NEBL: variants seen among roughly 807,000 people sequenced by gnomAD.
The protein encoded by NEBL is nebulette, also known as LIM and SH3 protein 2.
Under a neutral mutation model 140.2 loss-of-function variants are expected in NEBL, and 122 were observed. That is an observed-to-expected ratio of 0.87 (90% CI 0.75 to 1.01). NEBL has a LOEUF of 1.01. Among genes scored for constraint, NEBL ranks in the 50% least tolerant of loss-of-function variants. The pLI is 0.00. For missense variants in NEBL, 1,365 were observed against 1,231.3 expected (o/e 1.11, Z -1.62); for synonymous variants, 436 against 398.9 (o/e 1.09, Z -1.11).
At chr10:21,184,740 AT>A (rs1247559065) in intron 3 of NEBL, among the ~76,000 whole-genome samples, 12 of 152,230 alleles carry the variant, frequency 7.9e-5, no homozygotes, top group African/African-American at 2.4e-4. Flanking sequence ...GTTAAATAGA[AT>A]TTTATGACAT....
At chr10:21,096,591 A>G (rs1837198510) in intron 2 of NEBL, among the ~76,000 whole-genome samples, 1 of 151,860 alleles carries the variant, frequency 6.6e-6, no homozygotes, top group Admixed American at 6.6e-5. Flanking sequence ...ATAGTTCACT[A>G]AAGCCTCAAG....
At chr10:21,061,331 A>ATGTGATATGTAACATATTACATAT (rs1835285648) in intron 2 of NEBL, among the ~76,000 whole-genome samples, 1 of 149,058 alleles carries the variant, frequency 6.7e-6, no homozygotes. Flanking sequence ...ATTACATATT[A>ATGTGATATGTAACATATTACATAT]TGTGATATGT....
chr10:20,791,684 G>A (rs143282407), intron 26 of NEBL, among the ~76,000 whole-genome samples: 188 of 152,084 alleles, frequency 1.2e-3, no homozygotes, highest in Non-Finnish European at 2.4e-3. Context: ...CGTGAGCACT[G>A]CACCATGCTA....
intron 2 of NEBL, among the ~76,000 whole-genome samples, chr10:21,138,097 A>G (rs886450892): frequency 6.6e-6 from 1 of 152,140 alleles, no homozygotes; most frequent in Admixed American, 6.5e-5. Flanking sequence ...GAGGGTAATG[A>G]TATCTATAAC....
At chr10:21,278,804 G>A (rs1490625771) in intron 1 of NEBL, among the ~76,000 whole-genome samples, 1 of 152,128 alleles carries the variant, frequency 6.6e-6, no homozygotes, top group African/African-American at 2.4e-5. Context: ...TACATAGCCA[G>A]GGAGTTCTCT....
rs187016731 is a variant in NEBL at position 21,202,708 on chromosome 10, G to A, written n.349-30231C>T. Among the ~76,000 whole-genome samples the A allele has an allele frequency of 2.1e-3, 321 of 152,124 alleles. 3 individuals carry two copies. The highest frequency in any genetic ancestry group is 0.014 in the Middle Eastern group (4 of 294). On this transcript the variant is annotated intron_variant and non_coding_transcript_variant, in intron 3 of 8. Coordinates refer to the NEBL transcript ENST00000675702. Reference sequence around the variant, plus strand: ...CGATTTCCTGACCTCGTGATCGCCCGTCTCGGCCTCCCAAAGTGCTGGGAT... The same window carrying A: ...CGATTTCCTGACCTCGTGATCGCCCATCTCGGCCTCCCAAAGTGCTGGGAT...
chr10:20,921,090 T>C (rs1160179291), intron 4 of NEBL, among the ~76,000 whole-genome samples: 1 of 152,202 alleles, frequency 6.6e-6, no homozygotes, highest in Non-Finnish European at 1.5e-5. Context: ...CATTCGTGAA[T>C]AGTCTGAGAT....
intron 2 of NEBL, among the ~76,000 whole-genome samples, chr10:21,113,616 A>G (rs1195328924): frequency 6.6e-6 from 1 of 152,098 alleles, no homozygotes; most frequent in Non-Finnish European, 1.5e-5. Flanking sequence ...ACCATGTTTG[A>G]TAAATGTTGC....
chr10:20,841,562 T>G (rs1200657538), intron 12 of NEBL: 1 of 152,302 alleles, frequency 6.6e-6, no homozygotes, highest in Non-Finnish European at 1.5e-5. Context: ...ATGAATGGAA[T>G]CATCCATAGA....
chr10:21,257,954 A>G (rs1237832418), intron 1 of NEBL, among the ~76,000 whole-genome samples: 2 of 151,762 alleles, frequency 1.3e-5, no homozygotes, highest in Non-Finnish European at 2.9e-5. Context: ...ATTGTTTTTT[A>G]ATATCTTTAA....
At chr10:20,796,083 G>T (rs1836487393) in intron 26 of NEBL, among the ~76,000 whole-genome samples, 1 of 152,054 alleles carries the variant, frequency 6.6e-6, no homozygotes. Flanking sequence ...GAACTTCTAG[G>T]CTGGGCACGG....
chr10:21,063,343 A>G (rs1465328485), intron 2 of NEBL, among the ~76,000 whole-genome samples: 3 of 152,146 alleles, frequency 2.0e-5, no homozygotes, highest in Non-Finnish European at 4.4e-5. Flanking sequence ...TCTGCCTTCT[A>G]TGATACTTAA....
chr10:21,288,818 G>GTATATATATATATATATATATATATATA (rs757155594), intron 1 of NEBL, among the ~76,000 whole-genome samples: 4 of 32,660 alleles, frequency 1.2e-4, no homozygotes, highest in African/African-American at 2.2e-4. Flanking sequence ...ACGTGTGTGT[G>GTATATATATATATATATATATATATATA]TGTATATATA....
chr10:21,200,455 A>G (rs1841716940), intron 3 of NEBL, among the ~76,000 whole-genome samples: 1 of 151,836 alleles, frequency 6.6e-6, no homozygotes, highest in Non-Finnish European at 1.5e-5. Flanking sequence ...CTGGGACTAC[A>G]GGTGCACACC....
chr10:21,022,388 A>C (rs936050971), intron 2 of NEBL, among the ~76,000 whole-genome samples: 1 of 152,204 alleles, frequency 6.6e-6, no homozygotes, highest in Non-Finnish European at 1.5e-5. Context: ...GTCGGTGCAG[A>C]TAAAGCCTAC....
At chr10:20,901,441 G>C (rs577904550), upstream of NEBL, among the ~76,000 whole-genome samples, 1 of 152,034 alleles carries the variant, frequency 6.6e-6, no homozygotes, top group Admixed American at 6.5e-5. Context: ...GTTTTTGACT[G>C]TTTCACACTT....
intron 9 of NEBL, among the ~76,000 whole-genome samples, chr10:20,854,241 A>G (rs1235318406): frequency 6.6e-6 from 1 of 152,142 alleles, no homozygotes; most frequent in Non-Finnish European, 1.5e-5. Context: ...GAGTGGAGGG[A>G]TCCAAAAACA....
intron 3 of NEBL, among the ~76,000 whole-genome samples, chr10:21,221,498 A>ATTTC (rs10656407): frequency 0.25 from 36,867 of 150,092 alleles, 9,270 homozygotes; most frequent in African/African-American, 0.65. Flanking sequence ...CAGATGTCTG[A>ATTTC]TTTCTTTCTT....
At chr10:21,231,797 A>G (rs1464643620) in intron 3 of NEBL, among the ~76,000 whole-genome samples, 1 of 151,878 alleles carries the variant, frequency 6.6e-6, no homozygotes, top group Non-Finnish European at 1.5e-5. Context: ...AGGAAACAAG[A>G]TGAAAACTAA....
Sources: gnomAD v4.1 joint callset for allele counts (sites outside exome capture counted in the v4.1 genomes callset) on GRCh38, gnomAD v4.1.1 for gene constraint, MANE v1.5 for transcripts, NCBI Gene and HGNC (gene_info 2026-07-23, HGNC 2026-07-21) for gene names.